USP47: variants seen among roughly 807,000 people sequenced by gnomAD.
USP47 encodes the protein ubiquitin carboxyl-terminal hydrolase 47.
USP47 carries 35 observed loss-of-function variants against 165.1 expected under a neutral mutation model. The ratio of observed to expected loss-of-function variants is 0.21; its 90% CI spans 0.16 to 0.28. The LOEUF (loss-of-function observed/expected upper bound fraction) is 0.28, where lower values mean the gene tolerates loss of function less well. USP47 is among the 10% of genes least tolerant of loss of function. USP47 has a pLI of 1.00. For missense variants in USP47, 1,277 were observed against 1,607.4 expected, an observed-to-expected ratio of 0.79 and a Z score of 3.52; for synonymous variants, 531 against 544.5, an observed-to-expected ratio of 0.98 and a Z score of 0.35.
rs376146882 is a variant in USP47 at position 11,931,318 on chromosome 11, T to C, written c.1651+567T>C. Among the ~76,000 whole-genome samples, 8 of 152,286 alleles carry C rather than the reference T, an allele frequency of 5.3e-5. No individual in the cohort carries two copies. The East Asian group carries it at 1.5e-3, about 29-fold the overall frequency. ...AACCCTCATTAGATGGTGAATTCAA[T>C]TGGTACAAGGCTTAGGACTTACTCA... On this transcript the variant is annotated intron_variant, in intron 14 of 27. Transcript: ENST00000527733.
intron 12 of USP47, 93 bp downstream of exon 12, chr11:11,929,658 G>A: frequency 6.6e-7 from 1 of 1,504,878 alleles, no homozygotes; most frequent in South Asian, 1.3e-5. Flanking sequence ...GAGTGAATCT[G>A]TCTAGTGATA....
chr11:11,846,378 C>G (rs763964273), intron 1 of USP47, among the ~76,000 whole-genome samples: 1 of 152,024 alleles, frequency 6.6e-6, no homozygotes, highest in Non-Finnish European at 1.5e-5. Context: ...ATAGAATGAT[C>G]AAGGATAAGG....
chr11:11,908,014 G>A (rs544840877), intron 8 of USP47, among the ~76,000 whole-genome samples: 3 of 152,254 alleles, frequency 2.0e-5, no homozygotes, highest in South Asian at 2.1e-4. Context: ...CTTGAACCCA[G>A]GAGGCAGAGG....
chr11:11,948,624 T>G lies in USP47; in HGVS notation c.3348+66T>G, dbSNP rs1856009766. On this transcript the variant is annotated intron_variant, in intron 22 of 27. Transcript: ENST00000527733. Reference sequence around the variant, plus strand: ...CAGTTACTGAAAACATAGAATATATTTTATTCATAGTCATTTTATTTCTCT... The same window carrying G: ...CAGTTACTGAAAACATAGAATATATGTTATTCATAGTCATTTTATTTCTCT... 2.8e-6 allele frequency: 4 copies of G among 1,429,908 alleles called. No homozygotes were observed. In the African/African-American group the frequency reaches 5.7e-5, roughly 21 times the overall value. 88.6% of individuals were successfully genotyped at this position (1,429,908 alleles called of 1,614,324 possible). A position where few individuals can be genotyped will look rare whatever the true frequency, so the allele number is the denominator to read the frequency against.
intron 16 of USP47, among the ~76,000 whole-genome samples, chr11:11,935,206 A>C (rs1454421607): frequency 6.6e-6 from 1 of 152,074 alleles, no homozygotes; most frequent in Non-Finnish European, 1.5e-5. Context: ...GACTATTTTA[A>C]TTAATATTAC....
intron 1 of USP47, among the ~76,000 whole-genome samples, chr11:11,846,351 C>G (rs1848425603): frequency 6.6e-6 from 1 of 152,044 alleles, no homozygotes; most frequent in South Asian, 2.1e-4. Context: ...AAAATTTGTT[C>G]TTCTCTCAAG....
rs772005566 is a variant in USP47, at chr11:11,956,111, G to T, written c.4004G>T (p.Arg1335Leu). 2 of 1,613,890 alleles carry T rather than the reference G, an allele frequency of 1.2e-6. No homozygotes were observed. Among genetic ancestry groups the T allele is most frequent in the South Asian group, 1.1e-5 (1 of 91,072 alleles). The change falls in exon 28 of 28, where the codon CGT becomes CTT. Residue 1335 changes from arginine to leucine, a missense_variant. Arg to Leu is a moderately radical substitution (Grantham distance 102). Transcript: ENST00000527733. ...KTGHRVTYSP[R>L]KEKALKIYLD... Reference sequence around the variant, plus strand: ...GGACATCGTGTAACATACTCACCTCGTAAAGAGAAAGCACTAAAAATATAT... The same window carrying T: ...GGACATCGTGTAACATACTCACCTCTTAAAGAGAAAGCACTAAAAATATAT...
At chr11:11,930,785 G>T in intron 14 of USP47, 34 bp downstream of exon 14, 3 of 1,556,004 alleles carry the variant, frequency 1.9e-6, no homozygotes, top group South Asian at 2.4e-5. Context: ...ATTTTAATTT[G>T]TGTTATAAAC....
In USP47 at chr11:11,950,424, T is replaced by A. The variant is rs1314703728; in HGVS notation, c.3525T>A (p.Ile1175=). 1.9e-6 allele frequency: 3 copies of A among 1,607,822 alleles called. No individual in the cohort carries two copies. The South Asian group carries it at 3.4e-5, about 18-fold the overall frequency. ...NPGTVFLDYH[I]YEEDINISSN... ...GCACTGTCTTTTTGGATTATCATAT[T>A]TATGAAGAAGATATTAATATTTCCA... is the stretch of plus-strand genomic sequence containing the variant. Residue 1175 remains isoleucine, a synonymous_variant, in exon 24 of 28, where the codon ATT becomes ATA. Transcript: ENST00000527733.
At chr11:11,861,594 C>G (rs1849389730) in intron 1 of USP47, among the ~76,000 whole-genome samples, 1 of 152,068 alleles carries the variant, frequency 6.6e-6, no homozygotes, top group Admixed American at 6.6e-5. Flanking sequence ...AAATAAATTA[C>G]ATAGGATCAA....
intron 20 of USP47, 142 bp from the exon 21 acceptor site, chr11:11,947,803 G>A: frequency 1.4e-6 from 1 of 700,762 alleles, no homozygotes; most frequent in East Asian, 3.0e-5. Flanking sequence ...TCCATTCAGT[G>A]TGGTATATTA....
intron 20 of USP47, among the ~76,000 whole-genome samples, chr11:11,945,697 G>A (rs978426022): frequency 5.3e-5 from 8 of 152,062 alleles, no homozygotes; most frequent in African/African-American, 1.9e-4. Context: ...TGCACTTTGG[G>A]AGGCCGTGAG....
chr11:11,923,963 A>G lies in USP47; in HGVS notation c.1386+1072A>G, dbSNP rs145660557. On this transcript the variant is annotated intron_variant, in intron 11 of 27. Transcript: ENST00000527733. The stretch of plus-strand genomic sequence containing the variant: ...ACATACACTTTCATTTCATCTGCAA[A>G]TAAAGACAGTATTCTTCCTTTCCCA... Among the ~76,000 whole-genome samples the G allele has an allele frequency of 7.5e-3, 1,139 of 152,358 alleles. 18 individuals carry two copies. Among genetic ancestry groups the G allele is most frequent in the African/African-American group, 0.026 (1,094 of 41,592 alleles).
chr11:11,931,182 A>G (rs1260362382), intron 14 of USP47, among the ~76,000 whole-genome samples: 2 of 141,112 alleles, frequency 1.4e-5, no homozygotes, highest in Non-Finnish European at 3.0e-5. Flanking sequence ...TTTCATAATT[A>G]AAAAAAATAT....
intron 1 of USP47, 110 bp downstream of exon 1, chr11:11,842,334 G>A: frequency 3.1e-6 from 4 of 1,282,104 alleles, no homozygotes; most frequent in Non-Finnish European, 4.3e-6. Flanking sequence ...CTCGGCTGTG[G>A]GGGAATGAGG....
chr11:11,943,235 A>G, intron 20 of USP47, 123 bp downstream of exon 20: 1 of 1,148,886 alleles, frequency 8.7e-7, no homozygotes, highest in Non-Finnish European at 1.2e-6. Context: ...CTGGATTATA[A>G]GATTATTGAC....
Position 11,955,997 on chromosome 11 carries a change from G to T in USP47, c.3894-4G>T. On this transcript the variant is annotated splice_polypyrimidine_tract_variant and splice_region_variant and intron_variant, in intron 27 of 27. Transcript: ENST00000527733. Reference sequence around the variant, plus strand: ...CTAATATGTGATTAATATTTTATATGTAGGGATAAAACAGAAGAATTAATG... The same window carrying T: ...CTAATATGTGATTAATATTTTATATTTAGGGATAAAACAGAAGAATTAATG... The T allele has an allele frequency of 6.5e-7, 1 of 1,545,756 alleles. No individual in the cohort carries two copies. The highest frequency in any genetic ancestry group is 1.4e-5 in the African/African-American group (1 of 72,192).
chr11:11,853,478 G>T (rs1257340897), intron 1 of USP47, among the ~76,000 whole-genome samples: 1 of 152,178 alleles, frequency 6.6e-6, no homozygotes, highest in Non-Finnish European at 1.5e-5. Context: ...AAAATGATGT[G>T]ATCTTTCACA....
At chr11:11,875,693 T>TC (rs1420028892) in intron 1 of USP47, among the ~76,000 whole-genome samples, 1 of 152,168 alleles carries the variant, frequency 6.6e-6, no homozygotes, top group Non-Finnish European at 1.5e-5. Context: ...AAACTCTACC[T>TC]CCCAGGTTCA....
Sources: gnomAD v4.1 joint callset for allele counts (sites outside exome capture counted in the v4.1 genomes callset) on GRCh38, gnomAD v4.1.1 for gene constraint, MANE v1.5 for transcripts, NCBI Gene and HGNC (gene_info 2026-07-23, HGNC 2026-07-21) for gene names.